Variants in TLL1 observed in about 807,000 individuals in gnomAD.
TLL1 encodes tolloid-like protein 1.
In TLL1, 49 loss-of-function variants were observed where a neutral mutation model predicts 128.2. That is an observed-to-expected ratio of 0.38 (90% CI 0.30 to 0.48). The LOEUF (loss-of-function observed/expected upper bound fraction) is 0.48, where lower values mean the gene tolerates loss of function less well. Among genes scored for constraint, TLL1 ranks in the 20% least tolerant of loss-of-function variants. The probability of loss-of-function intolerance (pLI) is 0.96; values close to 1 mark genes in which losing one functional copy is unlikely to be tolerated. For missense variants in TLL1, 1,123 were observed against 1,242.0 expected (o/e 0.90, Z 1.44); for synonymous variants, 454 against 418.8 (o/e 1.08, Z -1.03).
chr4:166,030,418 G>C, intron 9 of TLL1: 1 of 541,770 alleles, frequency 1.8e-6, no homozygotes, highest in Non-Finnish European at 3.4e-6. Context: ...ACTGATTAGA[G>C]ATATGATTTG....
rs73863531 is a variant in TLL1, at chr4:166,041,045, A to G, written c.1262-982A>G. 5.6e-3 allele frequency among the ~76,000 whole-genome samples: 854 copies of G among 152,320 alleles called. 11 individuals are homozygous for G. The highest frequency in any genetic ancestry group is 0.019 in the African/African-American group (800 of 41,574). On this transcript the variant is annotated intron_variant, in intron 10 of 20. Transcript: ENST00000061240. ...AAGGAAGGAAGGAATGACAGGTATT[A>G]TATTTATTTGCTGTAATTCATATTT...
chr4:166,048,283 G>A (rs1011990638), intron 12 of TLL1, among the ~76,000 whole-genome samples: 1 of 150,620 alleles, frequency 6.6e-6, no homozygotes, highest in East Asian at 1.9e-4. Context: ...TACCATGTGA[G>A]GGCAAAATGA....
intron 9 of TLL1, among the ~76,000 whole-genome samples, chr4:166,029,130 C>A (rs1011029915): frequency 2.0e-5 from 3 of 151,244 alleles, no homozygotes; most frequent in African/African-American, 7.3e-5. Context: ...TTTTTGTTCT[C>A]CCCCTTTGCC....
chr4:165,953,042 A>T (rs1482550917), intron 1 of TLL1, among the ~76,000 whole-genome samples: 8 of 152,148 alleles, frequency 5.3e-5, no homozygotes, highest in Admixed American at 5.2e-4. Context: ...AAACAAGTCT[A>T]AAAATATCAA....
At chr4:166,037,021 G>T (rs1438840014) in intron 9 of TLL1, among the ~76,000 whole-genome samples, 1 of 152,044 alleles carries the variant, frequency 6.6e-6, no homozygotes, top group Admixed American at 6.6e-5. Context: ...CGTGAGCCCT[G>T]GGGGAGTCTC....
chr4:166,010,824 G>T (rs893049196), intron 7 of TLL1, among the ~76,000 whole-genome samples: 2 of 150,340 alleles, frequency 1.3e-5, no homozygotes, highest in Non-Finnish European at 3.0e-5. Context: ...TTTTTAAAGT[G>T]TTTTTTTTAA....
rs533100708 is a variant in TLL1 at position 166,077,770 on chromosome 4, C to T, written c.2315-133C>T. On this transcript the variant is annotated intron_variant, in intron 17 of 20. Coordinates refer to ENST00000061240, the MANE Select transcript of TLL1 (RefSeq NM_012464.5). ...TTCCAGAGCAGATGAATATAATAAC[C>T]GACACGGGAGTGAAAATTAGCTGGT... is the stretch of plus-strand genomic sequence containing the variant. 111 of 1,190,074 alleles carry T rather than the reference C, an allele frequency of 9.3e-5. No individual in the cohort carries two copies. The African/African-American group carries it at 1.4e-3, about 15-fold the overall frequency. 73.7% of individuals were successfully genotyped at this position (1,190,074 alleles called of 1,614,324 possible). A position where few individuals can be genotyped will look rare whatever the true frequency, so the allele number is the denominator to read the frequency against.
At chr4:165,939,988 G>T (rs902959673) in intron 1 of TLL1, among the ~76,000 whole-genome samples, 8 of 151,634 alleles carry the variant, frequency 5.3e-5, no homozygotes, top group Admixed American at 2.0e-4. Flanking sequence ...ATTCTCTTTT[G>T]TCTATTTTTA....
chr4:165,880,529 A>G (rs974867823), intron 1 of TLL1, among the ~76,000 whole-genome samples: 14 of 152,202 alleles, frequency 9.2e-5, no homozygotes, highest in African/African-American at 2.4e-5. Flanking sequence ...TGCTCTAAAT[A>G]TATTATTTTT....
intron 9 of TLL1, chr4:166,030,572 T>A: frequency 1.8e-6 from 1 of 557,330 alleles, no homozygotes; most frequent in Non-Finnish European, 3.1e-6. Context: ...AGCCAAGAAA[T>A]CATGGCCATA....
At chr4:166,054,386 C>T (rs1739901869) in intron 12 of TLL1, among the ~76,000 whole-genome samples, 1 of 152,056 alleles carries the variant, frequency 6.6e-6, no homozygotes, top group South Asian at 2.1e-4. Context: ...TCTATGAATA[C>T]AATAATGATT....
intron 1 of TLL1, among the ~76,000 whole-genome samples, chr4:165,878,119 A>T (rs188595161): frequency 1.6e-3 from 247 of 152,212 alleles, no homozygotes; most frequent in Admixed American, 2.7e-3. Context: ...TCCTCAGTTT[A>T]TAATTTCTAG....
chr4:165,977,029 T>G (rs543030565), intron 1 of TLL1, among the ~76,000 whole-genome samples: 1 of 152,170 alleles, frequency 6.6e-6, no homozygotes, highest in African/African-American at 2.4e-5. Context: ...TACCCCTGAA[T>G]GAAGAGATAT....
chr4:165,971,200 T>A (rs760965957), intron 1 of TLL1, among the ~76,000 whole-genome samples: 2 of 152,220 alleles, frequency 1.3e-5, no homozygotes, highest in African/African-American at 4.8e-5. Flanking sequence ...GATTATTCAG[T>A]GTGTGTTGTC....
intron 1 of TLL1, among the ~76,000 whole-genome samples, chr4:165,953,276 G>A (rs750815706): frequency 2.6e-5 from 4 of 151,838 alleles, no homozygotes; most frequent in African/African-American, 4.8e-5. Context: ...GTTGTTGTTC[G>A]GGTTGTTGCC....
At chr4:166,027,510 C>G (rs984609411) in intron 9 of TLL1, among the ~76,000 whole-genome samples, 1 of 151,996 alleles carries the variant, frequency 6.6e-6, no homozygotes, top group Non-Finnish European at 1.5e-5. Context: ...TTTTTAGGTG[C>G]AAAAAGTTAC....
Position 165,891,716 on chromosome 4 carries a change from C to T in TLL1, c.169+17643C>T, listed in dbSNP as rs368456052. ...CAGTATTTTGGTCAAAACCATTCAA[C>T]GAGTCTCTAGGAAGTTCCAAACTTT... On this transcript the variant is annotated intron_variant, in intron 1 of 20. Transcript: ENST00000061240. Among the ~76,000 whole-genome samples, 65 of 152,284 alleles carry T rather than the reference C, an allele frequency of 4.3e-4. 1 individual carries two copies. The highest frequency in any genetic ancestry group is 1.5e-3 in the African/African-American group (61 of 41,574).
chr4:166,008,507 A>G (rs1316013743), intron 7 of TLL1, among the ~76,000 whole-genome samples: 1 of 151,536 alleles, frequency 6.6e-6, no homozygotes, highest in African/African-American at 2.4e-5. Context: ...CTCAAGTACA[A>G]CTTACACTCA....
At chr4:165,940,045 C>A (rs1733936923) in intron 1 of TLL1, among the ~76,000 whole-genome samples, 3 of 151,876 alleles carry the variant, frequency 2.0e-5, no homozygotes, top group Admixed American at 1.3e-4. Flanking sequence ...GGATACAATT[C>A]AGATTTTTAT....
Sources: allele counts gnomAD v4.1 joint callset (sites outside exome capture counted in the v4.1 genomes callset), GRCh38; gene constraint gnomAD v4.1.1; transcripts MANE v1.5; gene names NCBI Gene and HGNC (gene_info 2026-07-23, HGNC 2026-07-21).